The following IGSF3 variants were observed in gnomAD, a reference collection of about 807,000 sequenced individuals.
IGSF3 encodes the protein glu-Trp-Ile EWI motif-containing protein 3.
Under a neutral mutation model 114.4 loss-of-function variants are expected in IGSF3, and 23 were observed. The observed-to-expected ratio is 0.20, with a 90% CI of 0.14 to 0.28. The LOEUF (loss-of-function observed/expected upper bound fraction) is 0.28, where lower values mean the gene tolerates loss of function less well. IGSF3 is among the 10% of genes least tolerant of loss of function. IGSF3 has a pLI of 1.00. For missense variants in IGSF3, 1,172 were observed against 1,591.5 expected, an observed-to-expected ratio of 0.74 and a Z score of 4.48; for synonymous variants, 571 against 645.2, an observed-to-expected ratio of 0.88 and a Z score of 1.74.
rs549640595 is a variant in IGSF3 at position 116,636,204 on chromosome 1, G to A, written c.44-19747C>T. ...CTTCCCAAGAAGAATTCCCCATACC[G>A]AGTCTACCATTCCTTCCCTGATCAA... On this transcript the variant is annotated intron_variant, in intron 2 of 10. Coordinates refer to ENST00000369486, the MANE Select transcript of IGSF3 (RefSeq NM_001007237.3). This position sits in a 1 kb window ranked among gnomAD's most constrained non-coding sequence, Gnocchi z 4.5. Among the ~76,000 whole-genome samples, 80 of 152,220 alleles carry A rather than the reference G, an allele frequency of 5.3e-4. No individual in the cohort carries two copies. Among genetic ancestry groups the A allele is most frequent in the South Asian group, 1.0e-3 (5 of 4,822 alleles).
Position 116,594,212 on chromosome 1 carries a change from G to T in IGSF3, c.2030-5108C>A, listed in dbSNP as rs528701837. Among the ~76,000 whole-genome samples the T allele has an allele frequency of 2.6e-5, 4 of 152,298 alleles. No homozygotes were observed. Among genetic ancestry groups the T allele is most frequent in the Admixed American group, 2.0e-4 (3 of 15,288 alleles). On this transcript the variant is annotated intron_variant, in intron 7 of 10. Coordinates refer to ENST00000369486, the MANE Select transcript of IGSF3 (RefSeq NM_001007237.3). The surrounding 1 kb of genome is among the most constrained non-coding windows in gnomAD (Gnocchi z 5.2). ...TTTAGAGACAGCGTTGACTGTGACT[G>T]TGCCTCCTAGCATAGCTGTCCTGAG...
rs1414127155 is a variant in IGSF3, at chr1:116,589,408, T to A, written c.2030-304A>T. ...AATACAAATCTAGCTATATCAGGTC[T>A]CTGCTTGAAAAGTTTAATGGCTCTG... On this transcript the variant is annotated intron_variant, in intron 7 of 10. Coordinates refer to ENST00000369486, the MANE Select transcript of IGSF3 (RefSeq NM_001007237.3). The surrounding 1 kb of genome is among the most constrained non-coding windows in gnomAD (Gnocchi z 5.7). 6.6e-6 allele frequency among the ~76,000 whole-genome samples: 1 copy of A among 152,072 alleles called. No individual in the cohort carries two copies. Among genetic ancestry groups the A allele is most frequent in the Admixed American group, 6.5e-5 (1 of 15,270 alleles).
At chr1:116,587,150 C>T (rs1659883082) in intron 8 of IGSF3, among the ~76,000 whole-genome samples, 1 of 152,112 alleles carries the variant, frequency 6.6e-6, no homozygotes, top group Non-Finnish European at 1.5e-5. Context: ...TGAAGAAAAC[C>T]AAGTCCCTAT....
rs566226959 is a variant in IGSF3 at position 116,655,849 on chromosome 1, T to C, written c.43+10435A>G. The stretch of plus-strand genomic sequence containing the variant: ...TACGAACGTGCTTAATTTGATGAAT[T>C]TATGTATTTTTTGAAGAAAATATGC... On this transcript the variant is annotated intron_variant, in intron 2 of 10. Transcript: ENST00000369486. This position sits in a 1 kb window ranked among gnomAD's most constrained non-coding sequence, Gnocchi z 4.3. Among the ~76,000 whole-genome samples, 16 of 152,332 alleles carry C rather than the reference T, an allele frequency of 1.1e-4. No homozygotes were observed. The highest frequency in any genetic ancestry group is 3.8e-4 in the African/African-American group (16 of 41,578).
intron 2 of IGSF3, among the ~76,000 whole-genome samples, chr1:116,653,645 A>G (rs1436789150): frequency 4.6e-5 from 7 of 152,282 alleles, no homozygotes; most frequent in Non-Finnish European, 8.8e-5. Context: ...TCCACCCTCT[A>G]CCCACCCAGG....
At chr1:116,599,300 T>C (rs1855749) in intron 7 of IGSF3, among the ~76,000 whole-genome samples, 1 of 152,142 alleles carries the variant, frequency 6.6e-6, no homozygotes, top group African/African-American at 2.4e-5. Context: ...ATGAGGATTA[T>C]AGGAGATGAG....
In IGSF3 at chr1:116,624,930, C is replaced by G. The variant is rs2101030828; in HGVS notation, c.44-8473G>C. ...AGTGAATGAGCCAATCAGCACCCAG[C>G]TCCACCTGCCACCATGTGAGTGAAC... On this transcript the variant is annotated intron_variant, in intron 2 of 10. Coordinates refer to ENST00000369486, the MANE Select transcript of IGSF3 (RefSeq NM_001007237.3). This position sits in a 1 kb window ranked among gnomAD's most constrained non-coding sequence, Gnocchi z 4.9. 6.6e-6 allele frequency among the ~76,000 whole-genome samples: 1 copy of G among 152,348 alleles called. No homozygotes were observed.
chr1:116,635,114 G>T (rs1191133720), intron 2 of IGSF3, among the ~76,000 whole-genome samples: 1 of 152,144 alleles, frequency 6.6e-6, no homozygotes, highest in Admixed American at 6.5e-5. Flanking sequence ...CTATGATTCG[G>T]GATGATCTGT....
rs202172819 is a variant in IGSF3, at chr1:116,579,546, C to T, written c.3180G>A (p.Pro1060=). ...GCAGCACTGTGAGCCGGTAGAGCAC[C>T]GGGGAGAGCCTCTGGAAGCGAAGCC... is the stretch of plus-strand genomic sequence containing the variant. The part of the protein sequence containing the change: ...EGRLRFQRLS[P]VLYRLTVLQA... Residue 1060 remains proline (P), a synonymous_variant, in exon 10 of 11, where the codon CCG becomes CCA. Transcript: ENST00000369486. This position sits in a 1 kb window ranked among gnomAD's most constrained non-coding sequence, Gnocchi z 6.4. 6.8e-6 allele frequency: 11 copies of T among 1,614,148 alleles called. No individual in the cohort carries two copies. The highest frequency in any genetic ancestry group is 5.3e-5 in the African/African-American group (4 of 75,028).
chr1:116,581,320 CTTTT>C (rs955415319), intron 9 of IGSF3, among the ~76,000 whole-genome samples: 10 of 70,600 alleles, frequency 1.4e-4, no homozygotes, highest in Non-Finnish European at 2.0e-4. Flanking sequence ...GTTTTGCTGT[CTTTT>C]TTTTTTTTTT....
At chr1:116,609,140 G>C (rs1223464937) in intron 4 of IGSF3, among the ~76,000 whole-genome samples, 1 of 151,880 alleles carries the variant, frequency 6.6e-6, no homozygotes, top group Non-Finnish European at 1.5e-5. Context: ...TACTTAGTAG[G>C]TACTTTAGTA....
At chr1:116,611,054 A>G (rs964448650) in intron 4 of IGSF3, among the ~76,000 whole-genome samples, 1 of 152,126 alleles carries the variant, frequency 6.6e-6, no homozygotes, top group Non-Finnish European at 1.5e-5. Context: ...CTTGCTCTTT[A>G]TTCTTTTGCC....
chr1:116,584,744 T>C lies in IGSF3; in HGVS notation c.2749A>G (p.Ser917Gly). 6.2e-7 allele frequency: 1 copy of C among 1,613,792 alleles called. No individual in the cohort carries two copies. Among genetic ancestry groups the C allele is most frequent in the Non-Finnish European group, 8.5e-7 (1 of 1,179,650 alleles). ...NVAVQDSGTYSCHVEEWLPSP... is the reference protein window; with the variant it reads ...NVAVQDSGTYGCHVEEWLPSP... ...GGCAGCCACTCCTCCACATGGCAGC[T>C]GTAGGTCCCGCTGTCCTGCACAGCC... is the stretch of plus-strand genomic sequence containing the variant. Residue 917 changes from serine to glycine, a missense_variant, in exon 9 of 11, where the codon AGC becomes GGC. By Grantham distance (56) the Ser-to-Gly change is moderately conservative. Coordinates refer to ENST00000369486, the MANE Select transcript of IGSF3 (RefSeq NM_001007237.3). The surrounding 1 kb of genome is among the most constrained non-coding windows in gnomAD (Gnocchi z 5.8).
intron 2 of IGSF3, among the ~76,000 whole-genome samples, chr1:116,653,182 A>C (rs1648702765): frequency 6.6e-6 from 1 of 152,184 alleles, no homozygotes; most frequent in African/African-American, 2.4e-5. Context: ...AATCCTCCAC[A>C]TGACTTCAGT....
rs1660224192 is a variant in IGSF3, at chr1:116,593,763, A to G, written c.2030-4659T>C. On this transcript the variant is annotated intron_variant, in intron 7 of 10. Transcript: ENST00000369486. The surrounding 1 kb of genome is among the most constrained non-coding windows in gnomAD (Gnocchi z 4.5). ...TGGCAAATGGGGCATGCTACTGCCC[A>G]CGGCTGCCCACCCCACAGCCCGTGA... is the stretch of plus-strand genomic sequence containing the variant. 6.6e-6 allele frequency among the ~76,000 whole-genome samples: 1 copy of G among 152,194 alleles called. No individual in the cohort carries two copies. The highest frequency in any genetic ancestry group is 1.5e-5 in the Non-Finnish European group (1 of 68,020).
rs572864513 is a variant in IGSF3 at position 116,624,313 on chromosome 1, G to C, written c.44-7856C>G. Among the ~76,000 whole-genome samples, 7 of 152,172 alleles carry C rather than the reference G, an allele frequency of 4.6e-5. No individual in the cohort carries two copies. In the East Asian group the frequency reaches 1.4e-3, roughly 29 times the overall value. Reference sequence around the variant, plus strand: ...GTTTGGATCGAATTCCTAAGTCTTCGCCTTCACTGACTTCCCACAGCATGG... The same window carrying C: ...GTTTGGATCGAATTCCTAAGTCTTCCCCTTCACTGACTTCCCACAGCATGG... On this transcript the variant is annotated intron_variant, in intron 2 of 10. Coordinates refer to ENST00000369486, the MANE Select transcript of IGSF3 (RefSeq NM_001007237.3). This position sits in a 1 kb window ranked among gnomAD's most constrained non-coding sequence, Gnocchi z 4.9.
chr1:116,657,569 G>T lies in IGSF3; in HGVS notation c.43+8715C>A, dbSNP rs1440579113. 6.6e-6 allele frequency among the ~76,000 whole-genome samples: 1 copy of T among 152,110 alleles called. No homozygotes were observed. The highest frequency in any genetic ancestry group is 2.4e-5 in the African/African-American group (1 of 41,402). ...ATACTGGTTATCATGTGGGAAAAAA[G>T]GTTTAATTACTCCCTAATGGTCTGG... On this transcript the variant is annotated intron_variant, in intron 2 of 10. Transcript: ENST00000369486. The surrounding 1 kb of genome is among the most constrained non-coding windows in gnomAD (Gnocchi z 4.2).
chr1:116,603,830 G>A lies in IGSF3; in HGVS notation c.1418C>T (p.Ser473Leu), dbSNP rs373341069. Reference protein sequence around the residue: ...LDRDGTVQPGSSYWERSSFGG... With the variant: ...LDRDGTVQPGLSYWERSSFGG... ...AAAGCTGCTGCGCTCCCAGTAGGAC[G>A]AGCCTGGCTGCACGGTGCCATCCCG... Residue 473 changes from serine to leucine, a missense_variant, in exon 6 of 11, where the codon TCG becomes TTG. Transcript: ENST00000369486. This position sits in a 1 kb window ranked among gnomAD's most constrained non-coding sequence, Gnocchi z 7.1. The A allele has an allele frequency of 4.3e-6, 7 of 1,613,902 alleles. No individual in the cohort carries two copies. The highest frequency in any genetic ancestry group is 2.7e-5 in the African/African-American group (2 of 74,932).
intron 2 of IGSF3, among the ~76,000 whole-genome samples, chr1:116,652,911 G>T (rs771337941): frequency 6.6e-6 from 1 of 152,154 alleles, no homozygotes; most frequent in Non-Finnish European, 1.5e-5. Context: ...GTACCCGTAC[G>T]GAGATTTAGT....
Sources: allele counts gnomAD v4.1 joint callset (sites outside exome capture counted in the v4.1 genomes callset), GRCh38; gene constraint gnomAD v4.1.1; non-coding constraint Gnocchi (gnomAD v3.1); transcripts MANE v1.5; gene names NCBI Gene and HGNC (gene_info 2026-07-23, HGNC 2026-07-21).